Variants in MRPS28 observed in about 807,000 individuals in gnomAD.
MRPS28 encodes small ribosomal subunit protein bS1m.
A neutral mutation model predicts 10.8 loss-of-function variants in MRPS28; 7 were observed. That is an observed-to-expected ratio of 0.65 (90% CI 0.37 to 1.22). MRPS28 has a LOEUF of 1.22. MRPS28 is among the 50% of genes most tolerant of loss of function. The probability of loss-of-function intolerance (pLI) is 0.02; values close to 1 mark genes in which losing one functional copy is unlikely to be tolerated. For synonymous variants in MRPS28, 121 were observed against 93.3 expected, an observed-to-expected ratio of 1.30 and a Z score of -1.71; for missense variants, 265 against 232.9, an observed-to-expected ratio of 1.14 and a Z score of -0.90.
chr8:79,971,327 G>T (rs1682262807), intron 2 of MRPS28, among the ~76,000 whole-genome samples: 1 of 152,144 alleles, frequency 6.6e-6, no homozygotes, highest in African/African-American at 2.4e-5. Flanking sequence ...TTCTTACACA[G>T]AAAGGTTTTT....
chr8:79,952,799 A>G (rs1807111830), intron 2 of MRPS28, among the ~76,000 whole-genome samples: 1 of 152,196 alleles, frequency 6.6e-6, no homozygotes, highest in Non-Finnish European at 1.5e-5. Flanking sequence ...CTCAGATAAT[A>G]ATAATGAGAA....
chr8:80,025,556 A>T (rs1488555929), intron 1 of MRPS28, among the ~76,000 whole-genome samples: 2 of 152,240 alleles, frequency 1.3e-5, no homozygotes, highest in Non-Finnish European at 2.9e-5. Flanking sequence ...TACTTAAATA[A>T]ATTATGCTAC....
At chr8:79,947,390 C>T (rs1279311754) in intron 2 of MRPS28, among the ~76,000 whole-genome samples, 1 of 151,996 alleles carries the variant, frequency 6.6e-6, no homozygotes, top group African/African-American at 2.4e-5. Context: ...TATTTTAGGT[C>T]TTTTACCTTT....
At chr8:79,947,180 C>T (rs984877998) in intron 2 of MRPS28, among the ~76,000 whole-genome samples, 2 of 152,120 alleles carry the variant, frequency 1.3e-5, no homozygotes, top group Non-Finnish European at 2.9e-5. Flanking sequence ...ACAGCCAACA[C>T]TGGCAGTAAC....
intron 2 of MRPS28, among the ~76,000 whole-genome samples, chr8:79,982,988 C>A (rs1361743761): frequency 8.0e-6 from 1 of 125,110 alleles, no homozygotes; most frequent in Non-Finnish European, 1.6e-5. Flanking sequence ...ACGCCTGACC[C>A]CCGACCCCCG....
chr8:79,942,419 G>C (rs375014004), intron 2 of MRPS28, among the ~76,000 whole-genome samples: 21 of 152,292 alleles, frequency 1.4e-4, no homozygotes, highest in African/African-American at 4.3e-4. Context: ...CAAAATGAAG[G>C]CATGATGACA....
chr8:79,935,437 CCTTTT>C (rs1443134644), intron 2 of MRPS28, among the ~76,000 whole-genome samples: 1 of 152,046 alleles, frequency 6.6e-6, no homozygotes, highest in Non-Finnish European at 1.5e-5. Context: ...CTTCCTCTTC[CCTTTT>C]ATTTGTTTGT....
chr8:80,012,801 T>C (rs1004700160), intron 1 of MRPS28, among the ~76,000 whole-genome samples: 1 of 152,220 alleles, frequency 6.6e-6, no homozygotes, highest in Non-Finnish European at 1.5e-5. Flanking sequence ...CATGCATTCA[T>C]TCATTCATCA....
At chr8:79,991,531 A>G (rs1300021984) in intron 2 of MRPS28, among the ~76,000 whole-genome samples, 1 of 152,224 alleles carries the variant, frequency 6.6e-6, no homozygotes, top group East Asian at 1.9e-4. Flanking sequence ...AAAGAAAAAA[A>G]TAAAGGTTAC....
intron 2 of MRPS28, 57 bp from the exon 3 acceptor site, chr8:79,919,205 T>A: frequency 7.5e-7 from 1 of 1,329,964 alleles, no homozygotes; most frequent in Non-Finnish European, 9.9e-7. Flanking sequence ...CATGAACAAC[T>A]AGTTTAATAA....
intron 1 of MRPS28, among the ~76,000 whole-genome samples, chr8:80,009,770 G>C (rs1464130676): frequency 6.6e-6 from 1 of 152,034 alleles, no homozygotes; most frequent in East Asian, 1.9e-4. Flanking sequence ...GTGGGGGGTG[G>C]TTAGTGGTCA....
chr8:79,976,346 G>A (rs1339241810), intron 2 of MRPS28, among the ~76,000 whole-genome samples: 2 of 152,128 alleles, frequency 1.3e-5, no homozygotes, highest in Admixed American at 6.5e-5. Context: ...GCCTCCCAAA[G>A]TGCTGGGATT....
In MRPS28 at chr8:79,922,742, T is replaced by C. The variant is rs1186943122; in HGVS notation, c.396-3594A>G. Among the ~76,000 whole-genome samples the C allele has an allele frequency of 2.0e-5, 3 of 152,268 alleles. No individual in the cohort carries two copies. In the East Asian group the frequency reaches 5.8e-4, roughly 29 times the overall value. ...GCCTTTCTTCCTCAATCAATTATTT[T>C]AAAAGTTAAACATCAACATTATAGA... On this transcript the variant is annotated intron_variant, in intron 2 of 2. Coordinates refer to ENST00000276585, the MANE Select transcript of MRPS28 (RefSeq NM_014018.3).
chr8:80,004,901 A>C (rs1808783721), intron 1 of MRPS28, among the ~76,000 whole-genome samples: 1 of 152,244 alleles, frequency 6.6e-6, no homozygotes, highest in Non-Finnish European at 1.5e-5. Flanking sequence ...TGAAGATCAA[A>C]TTAATGAAAG....
At chr8:80,018,985 A>G (rs1809279617) in intron 1 of MRPS28, among the ~76,000 whole-genome samples, 1 of 152,130 alleles carries the variant, frequency 6.6e-6, no homozygotes, top group South Asian at 2.1e-4. Context: ...ATGGTTACCC[A>G]GACGCTGGGA....
Position 79,961,326 on chromosome 8 carries a change from T to C in MRPS28, c.395+41673A>G, listed in dbSNP as rs575401533. On this transcript the variant is annotated intron_variant, in intron 2 of 2. Transcript: ENST00000276585. ...GTATACACAATACATAATTAAGTAA[T>C]CTTTTCTCTTTCTCTATTCTTTAAC... 6.9e-4 allele frequency among the ~76,000 whole-genome samples: 105 copies of C among 152,238 alleles called. No homozygotes were observed. In the South Asian group the frequency reaches 7.3e-3, roughly 11 times the overall value.
In MRPS28 at chr8:79,926,999, T is replaced by C. The variant is rs1041433976; in HGVS notation, c.396-7851A>G. On this transcript the variant is annotated intron_variant, in intron 2 of 2. Coordinates refer to ENST00000276585, the MANE Select transcript of MRPS28 (RefSeq NM_014018.3). ...GTTCAGCAGCTATTCTCCAAATGGT[T>C]TGTGGTAGTTTGGGGCCAGGCTGAA... 3.3e-5 allele frequency among the ~76,000 whole-genome samples: 5 copies of C among 152,180 alleles called. No homozygotes were observed. In the East Asian group the frequency reaches 7.7e-4, roughly 23 times the overall value.
At chr8:79,965,003 T>A (rs16907353) in intron 2 of MRPS28, among the ~76,000 whole-genome samples, 89,437 of 152,050 alleles carry the variant, frequency 0.59, 28,636 homozygotes, top group East Asian at 0.78. Context: ...AGTAAGTAGA[T>A]GAATTCAAGC....
At chr8:79,951,670 A>C (rs1807083089) in intron 2 of MRPS28, among the ~76,000 whole-genome samples, 1 of 152,240 alleles carries the variant, frequency 6.6e-6, no homozygotes, top group Non-Finnish European at 1.5e-5. Flanking sequence ...TCTGGCCAAC[A>C]GTATATGAAG....
Sources: allele counts gnomAD v4.1 joint callset (sites outside exome capture counted in the v4.1 genomes callset), GRCh38; gene constraint gnomAD v4.1.1; transcripts MANE v1.5; gene names NCBI Gene and HGNC (gene_info 2026-07-23, HGNC 2026-07-21).